Variants in ESR1 observed in about 807,000 individuals in gnomAD.
The protein encoded by ESR1 is estrogen receptor.
A neutral mutation model predicts 52.7 loss-of-function variants in ESR1; 12 were observed. The ratio of observed to expected loss-of-function variants is 0.23; its 90% CI spans 0.15 to 0.37. The LOEUF is 0.37. Among genes scored for constraint, ESR1 ranks in the 10% least tolerant of loss-of-function variants. ESR1 has a pLI of 1.00. For synonymous variants in ESR1, 305 were observed against 316.8 expected, an observed-to-expected ratio of 0.96 and a Z score of 0.39; for missense variants, 584 against 779.7, an observed-to-expected ratio of 0.75 and a Z score of 2.99.
At chr6:151,672,060 T>G (rs1406355559) in intron 1 of ESR1, among the ~76,000 whole-genome samples, 1 of 150,966 alleles carries the variant, frequency 6.6e-6, no homozygotes, top group African/African-American at 2.4e-5. Context: ...CTCAGACTCC[T>G]GGGCTCAAGC....
chr6:152,081,046 G>A (rs2049159546), intron 6 of ESR1, among the ~76,000 whole-genome samples: 1 of 152,162 alleles, frequency 6.6e-6, no homozygotes, highest in Non-Finnish European at 1.5e-5. Flanking sequence ...ACACCCCACA[G>A]TCAATATTAA....
At chr6:151,709,073 G>T (rs890786840) in intron 2 of ESR1, among the ~76,000 whole-genome samples, 2 of 152,092 alleles carry the variant, frequency 1.3e-5, no homozygotes, top group East Asian at 3.9e-4. Flanking sequence ...TTACTTTTCC[G>T]ATTTAACTGA....
chr6:151,800,348 C>A (rs1161645460), upstream of ESR1, among the ~76,000 whole-genome samples: 2 of 152,050 alleles, frequency 1.3e-5, no homozygotes, highest in Non-Finnish European at 2.9e-5. Flanking sequence ...AAACACTAAG[C>A]CCCTGAAGTC....
intron 3 of ESR1, among the ~76,000 whole-genome samples, chr6:151,908,265 T>G (rs929343424): frequency 6.6e-6 from 1 of 152,192 alleles, no homozygotes; most frequent in African/African-American, 2.4e-5. Flanking sequence ...TTTATTTCTG[T>G]CTTTGAGGAG....
intron 1 of ESR1, among the ~76,000 whole-genome samples, chr6:151,820,696 T>C (rs1780420437): frequency 6.6e-6 from 1 of 152,376 alleles, no homozygotes; most frequent in African/African-American, 2.4e-5. Context: ...ATTTTAGTTG[T>C]GACAATGCTT....
intron 1 of ESR1, among the ~76,000 whole-genome samples, chr6:151,701,217 T>TC (rs1779753865): frequency 6.6e-6 from 1 of 151,354 alleles, no homozygotes; most frequent in Non-Finnish European, 1.5e-5. Flanking sequence ...GGGAGTTTTT[T>TC]TTTTTTTAAT....
At chr6:151,813,865 T>G (rs1476190382) in intron 1 of ESR1, among the ~76,000 whole-genome samples, 1 of 152,210 alleles carries the variant, frequency 6.6e-6, no homozygotes, top group Non-Finnish European at 1.5e-5. Flanking sequence ...GAACTAGACA[T>G]TTCCAAATGA....
At chr6:151,968,173 G>A (rs2038493786) in intron 4 of ESR1, among the ~76,000 whole-genome samples, 1 of 152,082 alleles carries the variant, frequency 6.6e-6, no homozygotes, top group African/African-American at 2.4e-5. Context: ...AATGGGGAAA[G>A]GATTCCCTAT....
intron 2 of ESR1, among the ~76,000 whole-genome samples, chr6:151,736,375 G>GTTTTTT (rs10624912): frequency 6.2e-5 from 7 of 112,720 alleles, no homozygotes; most frequent in African/African-American, 2.3e-4. Context: ...TCCAGGTAGT[G>GTTTTTT]TTTTTTTTTT....
intron 2 of ESR1, among the ~76,000 whole-genome samples, chr6:151,867,309 A>G (rs1479473108): frequency 6.6e-6 from 1 of 152,134 alleles, no homozygotes; most frequent in African/African-American, 2.4e-5. Flanking sequence ...AAAAGAAACT[A>G]TCATCAGAGT....
chr6:151,753,196 A>G (rs1784026367), intron 2 of ESR1, among the ~76,000 whole-genome samples: 1 of 152,344 alleles, frequency 6.6e-6, no homozygotes, highest in East Asian at 1.9e-4. Context: ...AAGATCCTAC[A>G]AACTGTCACT....
intron 1 of ESR1, among the ~76,000 whole-genome samples, chr6:151,834,294 A>C (rs1782923189): frequency 6.6e-6 from 1 of 152,252 alleles, no homozygotes; most frequent in African/African-American, 2.4e-5. Context: ...ACTTGGAACC[A>C]ACCCAAATGC....
At chr6:152,021,527 C>A (rs978743597) in intron 5 of ESR1, among the ~76,000 whole-genome samples, 1 of 152,158 alleles carries the variant, frequency 6.6e-6, no homozygotes, top group African/African-American at 2.4e-5. Context: ...GATTGTTACA[C>A]CACAGCAGAG....
intron 3 of ESR1, among the ~76,000 whole-genome samples, chr6:151,904,947 A>G (rs1369978167): frequency 6.6e-6 from 1 of 152,224 alleles, no homozygotes; most frequent in African/African-American, 2.4e-5. Context: ...ATGGGAAAGT[A>G]GCAACAATAC....
intron 3 of ESR1, 120 bp downstream of exon 3, chr6:151,880,891 C>G: frequency 1.5e-6 from 1 of 664,034 alleles, no homozygotes; most frequent in Non-Finnish European, 2.7e-6. Flanking sequence ...TGTTTTTTTT[C>G]TATTCTTATT....
chr6:151,933,757 A>G (rs2034004844), intron 3 of ESR1, among the ~76,000 whole-genome samples: 2 of 152,124 alleles, frequency 1.3e-5, no homozygotes, highest in African/African-American at 4.8e-5. Context: ...CCTAATCACA[A>G]TTGTTTATCT....
intron 4 of ESR1, among the ~76,000 whole-genome samples, chr6:151,965,413 GA>G (rs1384418503): frequency 1.3e-5 from 2 of 152,050 alleles, no homozygotes; most frequent in Non-Finnish European, 2.9e-5. Context: ...AGGATATATA[GA>G]AAAAGTACAA....
intron 1 of ESR1, among the ~76,000 whole-genome samples, chr6:151,827,569 A>G (rs1781720359): frequency 6.6e-6 from 1 of 152,210 alleles, no homozygotes; most frequent in Non-Finnish European, 1.5e-5. Context: ...TCATGTACAC[A>G]TCGCCCAGCT....
rs1737531760 is a variant in ESR1, at chr6:151,816,033, A to G, written c.452+7669A>G. Among the ~76,000 whole-genome samples the G allele has an allele frequency of 2.6e-5, 4 of 152,204 alleles. No individual in the cohort carries two copies. In the South Asian group the frequency reaches 8.3e-4, roughly 31 times the overall value. The stretch of plus-strand genomic sequence containing the variant: ...AATACGTGTTTGATAAGCTTTATTC[A>G]GGCATGAGTTACAATGCTGTTGGCC... On this transcript the variant is annotated intron_variant, in intron 1 of 7. Transcript: ENST00000206249.
Sources: gnomAD v4.1 joint callset for allele counts (sites outside exome capture counted in the v4.1 genomes callset) on GRCh38, gnomAD v4.1.1 for gene constraint, MANE v1.5 for transcripts, NCBI Gene and HGNC (gene_info 2026-07-23, HGNC 2026-07-21) for gene names.